Variants in COL25A1 observed in about 807,000 individuals in gnomAD.
COL25A1 encodes collagen type XXV alpha 1 chain, also known as collagen alpha-1(XXV) chain.
Under a neutral mutation model 128.4 loss-of-function variants are expected in COL25A1, and 103 were observed. The observed-to-expected ratio is 0.80, with a 90% CI of 0.68 to 0.94. The LOEUF (loss-of-function observed/expected upper bound fraction) is 0.94, where lower values mean the gene tolerates loss of function less well. Among genes scored for constraint, COL25A1 ranks in the 40% least tolerant of loss-of-function variants. The pLI, the probability that COL25A1 is intolerant of heterozygous loss-of-function variation, is 0.00. For missense variants in COL25A1, 745 were observed against 840.0 expected (o/e 0.89, Z 1.40); for synonymous variants, 279 against 277.2 (o/e 1.01, Z -0.06).
At chr4:109,050,102 G>A (rs143081832) in intron 4 of COL25A1, 33 bp downstream of exon 4, 6 of 1,588,398 alleles carry the variant, frequency 3.8e-6, no homozygotes, top group Non-Finnish European at 4.3e-6. Flanking sequence ...ACCAGAACAT[G>A]AGTGACACAG....
intron 3 of COL25A1, among the ~76,000 whole-genome samples, chr4:109,136,401 A>AAATAAT (rs545870971): frequency 1.3e-5 from 2 of 152,092 alleles, no homozygotes; most frequent in African/African-American, 4.8e-5. Context: ...CTCTGTCTCA[A>AAATAAT]AATAATAATA....
chr4:108,827,083 T>C, intron 33 of COL25A1, 52 bp downstream of exon 33: 1 of 1,510,298 alleles, frequency 6.6e-7, no homozygotes, highest in Non-Finnish European at 9.2e-7. Flanking sequence ...TGTCAGTGAC[T>C]GGTCATCTAT....
intron 3 of COL25A1, among the ~76,000 whole-genome samples, chr4:109,289,683 A>G (rs1214787474): frequency 1.3e-5 from 2 of 152,154 alleles, no homozygotes; most frequent in African/African-American, 4.8e-5. Flanking sequence ...GGTTCTATCC[A>G]TGCTAGAGAA....
chr4:108,938,374 G>C (rs1395056514), intron 10 of COL25A1, among the ~76,000 whole-genome samples: 2 of 152,102 alleles, frequency 1.3e-5, no homozygotes, highest in Non-Finnish European at 2.9e-5. Context: ...AATAAATATA[G>C]ATATTGCTGG....
intron 3 of COL25A1, among the ~76,000 whole-genome samples, chr4:109,188,968 T>C (rs902692035): frequency 6.6e-6 from 1 of 152,072 alleles, no homozygotes; most frequent in African/African-American, 2.4e-5. Flanking sequence ...ATAAACATCA[T>C]ACAGTTTTTT....
At chr4:108,868,234 G>C (rs1738182698) in intron 20 of COL25A1, among the ~76,000 whole-genome samples, 1 of 152,014 alleles carries the variant, frequency 6.6e-6, no homozygotes, top group South Asian at 2.1e-4. Flanking sequence ...GAGCAATTTG[G>C]GGTACAAGTG....
At chr4:109,223,061 G>A (rs1778536929) in intron 3 of COL25A1, among the ~76,000 whole-genome samples, 1 of 152,106 alleles carries the variant, frequency 6.6e-6, no homozygotes, top group African/African-American at 2.4e-5. Context: ...AATAGACCAA[G>A]AATTAATTCC....
At chr4:108,862,122 G>T (rs1737298617) in intron 22 of COL25A1, among the ~76,000 whole-genome samples, 1 of 152,156 alleles carries the variant, frequency 6.6e-6, no homozygotes, top group African/African-American at 2.4e-5. Flanking sequence ...AACGAAGGGA[G>T]TCAACTAAAA....
intron 3 of COL25A1, among the ~76,000 whole-genome samples, chr4:109,154,920 A>G (rs1177927247): frequency 6.6e-6 from 1 of 152,142 alleles, no homozygotes; most frequent in Admixed American, 6.5e-5. Context: ...TGGCAAATAT[A>G]TCTTTAGCTA....
chr4:109,048,275 G>T, intron 4 of COL25A1, 100 bp from the exon 5 acceptor site: 1 of 1,095,078 alleles, frequency 9.1e-7, no homozygotes, highest in South Asian at 1.5e-5. Context: ...TCATCAGCAT[G>T]ACATAATAGA....
At chr4:108,923,368 C>T (rs1295715576) in intron 11 of COL25A1, among the ~76,000 whole-genome samples, 2 of 150,984 alleles carry the variant, frequency 1.3e-5, no homozygotes, top group Non-Finnish European at 3.0e-5. Flanking sequence ...TCTTTTGAGA[C>T]AGGGTCTCAC....
At chr4:108,859,203 C>T (rs1159128508) in intron 24 of COL25A1, among the ~76,000 whole-genome samples, 1 of 152,124 alleles carries the variant, frequency 6.6e-6, no homozygotes, top group Non-Finnish European at 1.5e-5. Flanking sequence ...GCAGATACTG[C>T]TACCATCCTC....
chr4:109,034,520 T>C (rs1331360733), intron 5 of COL25A1, among the ~76,000 whole-genome samples: 1 of 152,198 alleles, frequency 6.6e-6, no homozygotes, highest in Non-Finnish European at 1.5e-5. Flanking sequence ...TGTGACAAGG[T>C]CCCTCTTCAA....
At chr4:108,951,924 G>T (rs775722939) in intron 8 of COL25A1, among the ~76,000 whole-genome samples, 6 of 152,082 alleles carry the variant, frequency 3.9e-5, no homozygotes, top group Admixed American at 3.9e-4. Flanking sequence ...CCTAAAAACC[G>T]TAAGTTCTGA....
intron 3 of COL25A1, among the ~76,000 whole-genome samples, chr4:109,243,766 C>T (rs10007809): frequency 0.059 from 8,952 of 152,056 alleles, 541 homozygotes; most frequent in African/African-American, 0.16. Context: ...GAAATAGCCA[C>T]TTTGAAGTCT....
chr4:109,221,094 G>A (rs1156255331), intron 3 of COL25A1, among the ~76,000 whole-genome samples: 3 of 151,564 alleles, frequency 2.0e-5, no homozygotes, highest in South Asian at 2.1e-4. Context: ...ATATGCATAA[G>A]ATATTAATAA....
At chr4:109,026,156 G>A (rs3096509) in intron 5 of COL25A1, among the ~76,000 whole-genome samples, 76,863 of 150,554 alleles carry the variant, frequency 0.51, 22,346 homozygotes, top group African/African-American at 0.78. Context: ...AAATTAGTTC[G>A]CGGGTTCTCT....
chr4:108,873,936 T>C (rs1422926139), intron 19 of COL25A1, among the ~76,000 whole-genome samples: 1 of 152,002 alleles, frequency 6.6e-6, no homozygotes, highest in African/African-American at 2.4e-5. Flanking sequence ...AAAAAACCCA[T>C]CTTTTTGAAA....
At chr4:109,058,537 GA>G (rs565895259) in intron 3 of COL25A1, among the ~76,000 whole-genome samples, 11 of 151,730 alleles carry the variant, frequency 7.2e-5, no homozygotes, top group African/African-American at 2.2e-4. Flanking sequence ...TAAACTAACA[GA>G]AAAAAAATAA....
Sources: allele counts gnomAD v4.1 joint callset (sites outside exome capture counted in the v4.1 genomes callset), GRCh38; gene constraint gnomAD v4.1.1; transcripts MANE v1.5; gene names NCBI Gene and HGNC (gene_info 2026-07-23, HGNC 2026-07-21).